Variants in MOSPD1 observed in about 807,000 individuals in gnomAD.
MOSPD1 encodes the protein motile sperm domain containing 1, also known as motile sperm domain-containing protein 1.
A neutral mutation model predicts 16.7 loss-of-function variants in MOSPD1; 5 were observed. That is an observed-to-expected ratio of 0.30 (90% CI 0.16 to 0.63). MOSPD1 has a LOEUF of 0.63. Ranked by LOEUF, MOSPD1 falls within the 30% of genes least tolerant of loss-of-function variation. The pLI is 0.82. For missense variants in MOSPD1, 104 were observed against 153.6 expected, an observed-to-expected ratio of 0.68 and a Z score of 1.71; for synonymous variants, 67 against 59.2, an observed-to-expected ratio of 1.13 and a Z score of -0.61.
intron 5 of MOSPD1, among the ~76,000 whole-genome samples, chrX:134,890,901 A>G (rs2082860141): frequency 8.9e-6 from 1 of 112,036 alleles, no homozygotes; most frequent in African/African-American, 3.2e-5. Flanking sequence ...ACATGAGGAA[A>G]GTCATTCATC....
intron 5 of MOSPD1, 79 bp downstream of exon 5, chrX:134,891,400 A>T: frequency 9.8e-7 from 1 of 1,022,533 alleles, no homozygotes; most frequent in Non-Finnish European, 1.3e-6. Flanking sequence ...GGAAAAAAAA[A>T]AAAAATCAAA....
chrX:134,904,196 G>A (rs1209605461), intron 1 of MOSPD1, among the ~76,000 whole-genome samples: 1 of 112,433 alleles, frequency 8.9e-6, no homozygotes, highest in Non-Finnish European at 1.9e-5. Flanking sequence ...ACAAAAGGAT[G>A]TTTAACCTCA....
At chrX:134,906,786 T>C (rs888161979) in intron 1 of MOSPD1, among the ~76,000 whole-genome samples, 13 of 111,812 alleles carry the variant, frequency 1.2e-4, no homozygotes, top group African/African-American at 4.2e-4. Context: ...TCAGAGTTAG[T>C]TGGTTCCCAC....
At chrX:134,900,733 T>G (rs1431200308) in intron 1 of MOSPD1, among the ~76,000 whole-genome samples, 1 of 109,836 alleles carries the variant, frequency 9.1e-6, no homozygotes, top group East Asian at 2.8e-4. Flanking sequence ...ACACCAAGTG[T>G]GCCTTTTTTT....
intron 1 of MOSPD1, among the ~76,000 whole-genome samples, chrX:134,913,268 G>A (rs2082982345): frequency 9.0e-6 from 1 of 110,682 alleles, no homozygotes; most frequent in South Asian, 3.9e-4. Flanking sequence ...CCAGCTACTC[G>A]GGAGGCTGAG....
At chrX:134,891,427 A>G in intron 5 of MOSPD1, 52 bp downstream of exon 5, 1 of 1,113,599 alleles carries the variant, frequency 9.0e-7, no homozygotes, top group South Asian at 2.1e-5. Flanking sequence ...CCACCCTACC[A>G]CACACATAAA....
At chrX:134,909,846 G>C (rs937521930) in intron 1 of MOSPD1, among the ~76,000 whole-genome samples, 1 of 111,535 alleles carries the variant, frequency 9.0e-6, no homozygotes, top group African/African-American at 3.3e-5. Flanking sequence ...ATAATATGTA[G>C]TGATTGGCTC....
intron 3 of MOSPD1, among the ~76,000 whole-genome samples, chrX:134,898,217 T>A (rs1271831347): frequency 9.0e-6 from 1 of 111,711 alleles, no homozygotes; most frequent in African/African-American, 3.3e-5. Flanking sequence ...CAATTCCATT[T>A]ATTTTATTTT....
intron 3 of MOSPD1, among the ~76,000 whole-genome samples, chrX:134,897,462 T>A (rs1362715523): frequency 9.9e-6 from 1 of 101,397 alleles, no homozygotes; most frequent in African/African-American, 3.7e-5. Flanking sequence ...GAGGCTGAGG[T>A]AGGAAGATCC....
At chrX:134,905,746 T>C (rs1040895705) in intron 1 of MOSPD1, among the ~76,000 whole-genome samples, 2 of 112,091 alleles carry the variant, frequency 1.8e-5, no homozygotes, top group African/African-American at 6.5e-5. Flanking sequence ...ATAATTTCGA[T>C]TATTTAAAAT....
At chrX:134,899,219 T>C in intron 2 of MOSPD1, 54 bp from the exon 3 acceptor site, 1 of 1,174,325 alleles carries the variant, frequency 8.5e-7, no homozygotes, top group Non-Finnish European at 1.1e-6. Context: ...AATTAGTTTC[T>C]ACAAGTAAAA....
intron 1 of MOSPD1, among the ~76,000 whole-genome samples, chrX:134,900,337 A>C (rs1287034600): frequency 8.9e-6 from 1 of 112,550 alleles, no homozygotes; most frequent in Non-Finnish European, 1.9e-5. Context: ...CATGTCAACA[A>C]TACTTTATTT....
intron 4 of MOSPD1, among the ~76,000 whole-genome samples, chrX:134,893,469 G>A (rs2082871829): frequency 8.9e-6 from 1 of 112,139 alleles, no homozygotes; most frequent in Non-Finnish European, 1.9e-5. Flanking sequence ...ATAAATGCTT[G>A]AAATTTTTCA....
At chrX:134,899,237 A>G in intron 2 of MOSPD1, 43 bp downstream of exon 2, 1 of 1,180,198 alleles carries the variant, frequency 8.5e-7, no homozygotes, top group South Asian at 1.9e-5. Context: ...AAAAATTAGT[A>G]GGGACCAGTT....
Position 134,911,318 on chromosome X carries a change from G to A in MOSPD1, c.-102+3864C>T, listed in dbSNP as rs182469556. ...AATGTGGCATGAAGCAATGATGAGG[G>A]CCTAGGCTAAGGCTGCAGGAATGGA... On this transcript the variant is annotated intron_variant, in intron 1 of 5. Coordinates refer to ENST00000370783, the MANE Select transcript of MOSPD1 (RefSeq NM_019556.3). Among the ~76,000 whole-genome samples the A allele has an allele frequency of 3.8e-4, 43 of 112,347 alleles. No homozygotes were observed. In the East Asian group the frequency reaches 7.2e-3, roughly 19 times the overall value.
At chrX:134,898,672 CTT>C (rs1361580423) in intron 3 of MOSPD1, among the ~76,000 whole-genome samples, 2 of 112,200 alleles carry the variant, frequency 1.8e-5, no homozygotes, top group African/African-American at 6.5e-5. Context: ...AGTTGAATCA[CTT>C]CAGATGAACT....
chrX:134,893,684 ACT>A (rs926507727), intron 4 of MOSPD1, among the ~76,000 whole-genome samples: 1 of 111,296 alleles, frequency 9.0e-6, no homozygotes, highest in African/African-American at 3.3e-5. Flanking sequence ...TATTATACAT[ACT>A]GTTATATAAC....
chrX:134,907,020 A>G (rs1400068375), intron 1 of MOSPD1, among the ~76,000 whole-genome samples: 7 of 111,025 alleles, frequency 6.3e-5, no homozygotes, highest in African/African-American at 2.3e-4. Context: ...CCTGAGGTCA[A>G]GAGTTTGAGA....
chrX:134,913,166 G>A (rs1858979292), intron 1 of MOSPD1, among the ~76,000 whole-genome samples: 1 of 110,969 alleles, frequency 9.0e-6, no homozygotes, highest in South Asian at 3.8e-4. Flanking sequence ...CTTGAGGTCA[G>A]GAGTTCGAGA....
Sources: gnomAD v4.1 joint callset for allele counts (sites outside exome capture counted in the v4.1 genomes callset) on GRCh38, gnomAD v4.1.1 for gene constraint, MANE v1.5 for transcripts, NCBI Gene and HGNC (gene_info 2026-07-23, HGNC 2026-07-21) for gene names.